Variants in TAB1 observed in about 807,000 individuals in gnomAD.
TAB1 encodes the protein TGF-beta activated kinase 1 (MAP3K7) binding protein 1.
TAB1 carries 30 observed loss-of-function variants against 54.5 expected under a neutral mutation model. The observed-to-expected ratio is 0.55, with a 90% CI of 0.41 to 0.75. The LOEUF (loss-of-function observed/expected upper bound fraction) is 0.75, where lower values mean the gene tolerates loss of function less well. Among genes scored for constraint, TAB1 ranks in the 30% least tolerant of loss-of-function variants. The probability of loss-of-function intolerance (pLI) is 0.00; values close to 1 mark genes in which losing one functional copy is unlikely to be tolerated. For missense variants in TAB1, 609 were observed against 683.2 expected, an observed-to-expected ratio of 0.89 and a Z score of 1.21; for synonymous variants, 289 against 286.9, an observed-to-expected ratio of 1.01 and a Z score of -0.07.
chr22:39,430,851 A>T lies in TAB1; in HGVS notation c.*629A>T. 3 of 990,486 alleles carry T rather than the reference A, an allele frequency of 3.0e-6. No individual in the cohort carries two copies. Among genetic ancestry groups the T allele is most frequent in the Non-Finnish European group, 3.6e-6 (3 of 832,646 alleles). The allele number at this position is 990,486 out of a possible 1,614,324, so 61.4% of individuals were successfully genotyped here. ...AGAAGGGGCAGGCCAGGTGGAAAGG[A>T]GCCAGGGGGAAGTGGTCTAAGAGAC... On this transcript the variant is annotated 3_prime_UTR_variant, in exon 11 of 11. Coordinates refer to ENST00000216160, the MANE Select transcript of TAB1 (RefSeq NM_006116.3).
At chr22:39,401,843 G>C (rs1300537759) in intron 1 of TAB1, among the ~76,000 whole-genome samples, 3 of 152,198 alleles carry the variant, frequency 2.0e-5, no homozygotes, top group African/African-American at 7.2e-5. Flanking sequence ...AGGGCTTGCT[G>C]ATGTCACATC....
At position 39,410,555 on chromosome 22, in the gene TAB1, A is replaced by G. The variant is rs184883531; in HGVS notation, c.34-4451A>G. Among the ~76,000 whole-genome samples the G allele has an allele frequency of 2.5e-4, 37 of 148,266 alleles. No homozygotes were observed. The East Asian group carries it at 7.3e-3, about 29-fold the overall frequency. ...CTTGGCTCAGCTAGCACTTACTGCC[A>G]TTTCATCTTCCTTTTTTTTTTCATT... On this transcript the variant is annotated intron_variant, in intron 1 of 10. Transcript: ENST00000216160.
At position 39,415,508 on chromosome 22, in the gene TAB1, A is replaced by T. The variant is rs1389647388; in HGVS notation, c.179A>T (p.Asn60Ile). Residue 60 changes from asparagine to isoleucine, a missense_variant, in exon 3 of 11, where the codon AAC becomes ATC. Transcript: ENST00000216160. The surrounding 1 kb of genome is among the most constrained non-coding windows in gnomAD (Gnocchi z 4.9). ...EDSWLKFRSE[N>I]NCFLYGVFNG... is the part of the protein sequence containing the mutation. ...CCCTCTCCCTCTTCCAGGAGTGAGA[A>T]CAACTGCTTCCTGTATGGGGTCTTC... 2 of 1,613,812 alleles carry T rather than the reference A, an allele frequency of 1.2e-6. No homozygotes were observed. Among genetic ancestry groups the T allele is most frequent in the African/African-American group, 2.7e-5 (2 of 74,918 alleles).
chr22:39,428,317 T>C, intron 10 of TAB1, 134 bp downstream of exon 10: 1 of 568,030 alleles, frequency 1.8e-6, no homozygotes. Context: ...CCCAGCTCCG[T>C]GCCTGGTGAG....
At chr22:39,421,007 G>A (rs1341745622) in intron 7 of TAB1, among the ~76,000 whole-genome samples, 1 of 150,796 alleles carries the variant, frequency 6.6e-6, no homozygotes, top group African/African-American at 2.4e-5. Context: ...AGGTGCTGGT[G>A]TGTCCTGCCC....
chr22:39,423,424 G>A (rs1272309919), intron 8 of TAB1, among the ~76,000 whole-genome samples: 1 of 152,196 alleles, frequency 6.6e-6, no homozygotes, highest in Non-Finnish European at 1.5e-5. Flanking sequence ...GGCCAACATG[G>A]TGAAGCCCCG....
Position 39,431,587 on chromosome 22 carries a change from T to G in TAB1, c.*1365T>G, listed in dbSNP as rs1441238056. 3.0e-6 allele frequency: 3 copies of G among 985,214 alleles called. No individual in the cohort carries two copies. The highest frequency in any genetic ancestry group is 3.6e-6 in the Non-Finnish European group (3 of 829,946). 61.0% of individuals were successfully genotyped at this position (985,214 alleles called of 1,614,324 possible). A position where few individuals can be genotyped will look rare whatever the true frequency, so the allele number is the denominator to read the frequency against. The stretch of plus-strand genomic sequence containing the variant: ...GACAGCTCTGTGGCCTGGGAATCCA[T>G]TTTCCTGCGGCAGAGCAGGGCCTGG... On this transcript the variant is annotated 3_prime_UTR_variant, in exon 11 of 11. Transcript: ENST00000216160.
Position 39,427,452 on chromosome 22 carries a change from T to C in TAB1, c.1144+527T>C, listed in dbSNP as rs6001590. 8.0e-4 allele frequency among the ~76,000 whole-genome samples: 122 copies of C among 152,336 alleles called. 1 individual carries two copies. Among genetic ancestry groups the C allele is most frequent in the African/African-American group, 2.6e-3 (110 of 41,576 alleles). ...AGAAGGACGTTTTGCTTTTTACCTA[T>C]GTCATTCTTCAACCAAGTTCTCAGG... is the stretch of plus-strand genomic sequence containing the variant. On this transcript the variant is annotated intron_variant, in intron 9 of 10. Coordinates refer to ENST00000216160, the MANE Select transcript of TAB1 (RefSeq NM_006116.3).
intron 8 of TAB1, among the ~76,000 whole-genome samples, chr22:39,426,344 G>C (rs1927335089): frequency 6.6e-6 from 1 of 152,190 alleles, no homozygotes; most frequent in Admixed American, 6.5e-5. Flanking sequence ...TTCCAGGAAA[G>C]AGTGTTTCAT....
At chr22:39,428,684 C>T (rs1312296242) in intron 10 of TAB1, among the ~76,000 whole-genome samples, 1 of 152,176 alleles carries the variant, frequency 6.6e-6, no homozygotes, top group Non-Finnish European at 1.5e-5. Context: ...TGGAGTACAC[C>T]CCACCCCCTT....
At chr22:39,429,409 G>C in intron 10 of TAB1, 1 of 973,702 alleles carries the variant, frequency 1.0e-6, no homozygotes, top group South Asian at 4.7e-5. Flanking sequence ...GAGTGCTCGC[G>C]TGGGTGCTGT....
intron 1 of TAB1, among the ~76,000 whole-genome samples, chr22:39,408,769 G>A (rs1457640889): frequency 6.6e-6 from 1 of 152,160 alleles, no homozygotes; most frequent in Non-Finnish European, 1.5e-5. Context: ...CCAAAGTGCT[G>A]GGATTACAGG....
rs1926907447 is a variant in TAB1, at chr22:39,417,870, G to A, written c.550+21G>A. 4.4e-6 allele frequency: 7 copies of A among 1,587,834 alleles called. No individual in the cohort carries two copies. The African/African-American group carries it at 6.8e-5, about 15-fold the overall frequency. ...TGTCGGTGAGCCCCCTCCTGTCCCA[G>A]GGCAGGGAGGACTGGGGAGAGGTCA... On this transcript the variant is annotated intron_variant, in intron 5 of 10. Coordinates refer to ENST00000216160, the MANE Select transcript of TAB1 (RefSeq NM_006116.3).
chr22:39,411,032 A>T (rs927529826), intron 1 of TAB1, among the ~76,000 whole-genome samples: 1 of 152,198 alleles, frequency 6.6e-6, no homozygotes, highest in Non-Finnish European at 1.5e-5. Context: ...AGAGTCTAGA[A>T]GTAGACCCAC....
At position 39,426,853 on chromosome 22, in the gene TAB1, A is replaced by G; in HGVS notation, c.1072A>G (p.Met358Val). 4.3e-6 allele frequency: 7 copies of G among 1,613,624 alleles called. No homozygotes were observed. Among genetic ancestry groups the G allele is most frequent in the Non-Finnish European group, 5.9e-6 (7 of 1,180,022 alleles). The change falls in exon 9 of 11, where the codon ATG (methionine) becomes GTG (valine). Residue 358 changes from methionine to valine, a missense_variant. By Grantham distance (21) the Met-to-Val change is conservative. Transcript: ENST00000216160. ...CAGGTTCTGCCCCCGGCACGAGGAC[A>G]TGACCCTGCTAGTGAGGAACTTTGG... ...RARFCPRHED[M>V]TLLVRNFGYP...
chr22:39,430,208 G>A lies in TAB1; in HGVS notation c.1501G>A (p.Val501Met), dbSNP rs1955786222. ...WSVDHGEQSV[V>M]TAP ...CGTGGACCATGGCGAGCAGAGCGTG[G>A]TGACAGCACCGTAGGGCAGCCGGAG... Residue 501 changes from valine (V) to methionine (M), a missense_variant, in exon 11 of 11, where the codon GTG (valine) becomes ATG (methionine). Transcript: ENST00000216160. 1.2e-6 allele frequency: 2 copies of A among 1,612,816 alleles called. No individual in the cohort carries two copies. The highest frequency in any genetic ancestry group is 1.7e-6 in the Non-Finnish European group (2 of 1,180,044).
At chr22:39,408,269 G>C (rs1306120482) in intron 1 of TAB1, among the ~76,000 whole-genome samples, 1 of 152,240 alleles carries the variant, frequency 6.6e-6, no homozygotes, top group African/African-American at 2.4e-5. Flanking sequence ...ATTGCCGTCA[G>C]ACACACAGTT....
chr22:39,422,404 T>C (rs1358625620), intron 8 of TAB1, among the ~76,000 whole-genome samples: 3 of 136,130 alleles, frequency 2.2e-5, no homozygotes, highest in African/African-American at 5.5e-5. Flanking sequence ...TCATTTCTTT[T>C]TTTTTTTTTT....
At position 39,421,830 on chromosome 22, in the gene TAB1, T is replaced by C; in HGVS notation, c.780T>C (p.Ala260=). The change falls in exon 8 of 11, where the codon GCT becomes GCC. Residue 260 remains alanine, a synonymous_variant. Transcript: ENST00000216160. ...TCCTTCCACTCTCTCCCCATAGCGC[T>C]GCCAAGTCCAAACCAATCATCGCAG... ...YGYTDIDLLS[A]AKSKPIIAEP... The C allele has an allele frequency of 6.2e-7, 1 of 1,613,852 alleles. No homozygotes were observed. The highest frequency in any genetic ancestry group is 8.5e-7 in the Non-Finnish European group (1 of 1,179,852).
Sources: gnomAD v4.1 joint callset for allele counts (sites outside exome capture counted in the v4.1 genomes callset) on GRCh38, gnomAD v4.1.1 for gene constraint, Gnocchi (gnomAD v3.1) non-coding constraint, MANE v1.5 for transcripts, NCBI Gene and HGNC (gene_info 2026-07-23, HGNC 2026-07-21) for gene names.